Variants in DKK3 observed in about 807,000 individuals in gnomAD.
DKK3 encodes dickkopf Wnt signaling pathway inhibitor 3.
A neutral mutation model predicts 33.2 loss-of-function variants in DKK3; 22 were observed. The ratio of observed to expected loss-of-function variants is 0.66; its 90% CI spans 0.47 to 0.95. The LOEUF (loss-of-function observed/expected upper bound fraction) is 0.95, where lower values mean the gene tolerates loss of function less well. Ranked by LOEUF, DKK3 falls within the 40% of genes least tolerant of loss-of-function variation. The probability of loss-of-function intolerance (pLI) is 0.00; values close to 1 mark genes in which losing one functional copy is unlikely to be tolerated. For missense variants in DKK3, 398 were observed against 458.4 expected (o/e 0.87, Z 1.20); for synonymous variants, 194 against 188.8 (o/e 1.03, Z -0.23).
At position 11,966,946 on chromosome 11, in the gene DKK3, C is replaced by A; in HGVS notation, c.673+8G>T. 6.2e-7 allele frequency: 1 copy of A among 1,613,038 alleles called. No individual in the cohort carries two copies. The highest frequency in any genetic ancestry group is 2.2e-5 in the East Asian group (1 of 44,882). ...GGTTTTTCCTGCATCTGAGGGGAGG[C>A]CACTCACCTCTCTGGAAGGCACAGC... is the stretch of plus-strand genomic sequence containing the variant. On this transcript the variant is annotated splice_region_variant and intron_variant, in intron 5 of 6. Transcript: ENST00000683431.
At chr11:11,991,592 CCT>C (rs375438128) in intron 3 of DKK3, among the ~76,000 whole-genome samples, 17 of 150,520 alleles carry the variant, frequency 1.1e-4, no homozygotes, top group Non-Finnish European at 1.2e-4. Flanking sequence ...TGGCACCTCT[CCT>C]CTCTCTCTCT....
upstream of DKK3, chr11:12,009,680 GA>G (rs755437831): frequency 1.3e-3 from 1,245 of 985,620 alleles, 1 homozygote; most frequent in Middle Eastern, 2.6e-3. Flanking sequence ...AAATCCTCAG[GA>G]AAAATCCCAG....
chr11:11,987,788 G>A (rs1226443660), intron 3 of DKK3, among the ~76,000 whole-genome samples: 1 of 152,164 alleles, frequency 6.6e-6, no homozygotes, highest in Non-Finnish European at 1.5e-5. Context: ...GTTTGGTCTA[G>A]CACCTTAGCC....
intron 3 of DKK3, among the ~76,000 whole-genome samples, chr11:11,987,678 C>T (rs140032830): frequency 1.3e-5 from 2 of 152,284 alleles, no homozygotes; most frequent in Non-Finnish European, 2.9e-5. Flanking sequence ...TTCAGGGGAC[C>T]CTGTGAATTC....
Position 11,963,884 on chromosome 11 carries a change from A to G in DKK3, c.*580T>C, listed in dbSNP as rs1187614337. 1 of 153,120 alleles carries G rather than the reference A, an allele frequency of 6.5e-6. No individual in the cohort carries two copies. Among genetic ancestry groups the G allele is most frequent in the Non-Finnish European group, 1.5e-5 (1 of 68,432 alleles). The allele number at this position is 153,120 out of a possible 1,614,324, so 9.5% of individuals were successfully genotyped here. ...TGCTGAGAGAGGGAATTGATCTTGG[A>G]TATGAAAATGCTGCCCTGGCACAGA... On this transcript the variant is annotated 3_prime_UTR_variant, in exon 7 of 7. Coordinates refer to ENST00000683431, the MANE Select transcript of DKK3 (RefSeq NM_001018057.2).
Position 12,008,321 on chromosome 11 carries a change from C to A in DKK3, c.213+49G>T, listed in dbSNP as rs770739009. 1 of 1,560,200 alleles carries A rather than the reference C, an allele frequency of 6.4e-7. No homozygotes were observed. Among genetic ancestry groups the A allele is most frequent in the South Asian group, 1.2e-5 (1 of 85,146 alleles). On this transcript the variant is annotated intron_variant, in intron 1 of 6. Transcript: ENST00000683431. This position sits in a 1 kb window ranked among gnomAD's most constrained non-coding sequence, Gnocchi z 4.6. ...TTCCATGCCTTCCCAGACTTCGCTG[C>A]CCCCAGTCTGGCGCTTCTCAGAGCC...
At chr11:11,971,823 T>C (rs1440033315) in intron 3 of DKK3, among the ~76,000 whole-genome samples, 1 of 152,192 alleles carries the variant, frequency 6.6e-6, no homozygotes, top group East Asian at 1.9e-4. Flanking sequence ...ATTGTTTTTC[T>C]AGGTACGGAA....
rs1280059712 is a variant in DKK3 at position 12,008,473 on chromosome 11, G to C, written c.110C>G (p.Ala37Gly). The part of the protein sequence containing the change: ...ATSAPVKPGP[A>G]LSYPQEEATL... ...GGCCTCCTCCTGCGGGTAGCTGAGA[G>C]CCGGGCCGGGCTTGACTGGAGCCGA... is the stretch of plus-strand genomic sequence containing the variant. The change falls in exon 1 of 7, where the codon GCT (alanine) becomes GGT (glycine). Residue 37 changes from alanine (A) to glycine (G), a missense_variant. Physicochemically the swap from Ala to Gly is moderately conservative, Grantham distance 60 (BLOSUM62 0). Coordinates refer to ENST00000683431, the MANE Select transcript of DKK3 (RefSeq NM_001018057.2). This position sits in a 1 kb window ranked among gnomAD's most constrained non-coding sequence, Gnocchi z 4.6. 1 of 1,607,290 alleles carries C rather than the reference G, an allele frequency of 6.2e-7. No homozygotes were observed. The highest frequency in any genetic ancestry group is 2.2e-5 in the East Asian group (1 of 44,812).
At position 11,967,668 on chromosome 11, in the gene DKK3, T is replaced by C. The variant is rs142134474; in HGVS notation, c.529-570A>G. ...TAAGGTAATAAGAACTGCTTGACTT[T>C]CCAAGCTTATTAGCATGCTGTGTTA... On this transcript the variant is annotated intron_variant, in intron 4 of 6. Transcript: ENST00000683431. 4.7e-3 allele frequency among the ~76,000 whole-genome samples: 718 copies of C among 152,354 alleles called. 11 individuals carry two copies. The highest frequency in any genetic ancestry group is 0.017 in the African/African-American group (689 of 41,586).
At chr11:11,966,759 AG>A in intron 5 of DKK3, among the ~76,000 whole-genome samples, 194 bp downstream of exon 5, 2 of 151,898 alleles carry the variant, frequency 1.3e-5, no homozygotes, top group Middle Eastern at 3.4e-3. Context: ...GAGCATCAAC[AG>A]GGGAAAAAAA....
At chr11:11,995,951 T>G (rs943656269) in intron 3 of DKK3, among the ~76,000 whole-genome samples, 1 of 152,232 alleles carries the variant, frequency 6.6e-6, no homozygotes, top group African/African-American at 2.4e-5. Context: ...ATAGTGTTAC[T>G]CTCTGTAACT....
intron 1 of DKK3, among the ~76,000 whole-genome samples, 175 bp from the exon 2 acceptor site, chr11:12,002,612 T>C (rs907013954): frequency 5.9e-5 from 9 of 152,210 alleles, no homozygotes; most frequent in African/African-American, 2.2e-4. Context: ...GTTTTACATA[T>C]ATTACAGCAC....
chr11:11,966,024 G>A, intron 5 of DKK3, 59 bp from the exon 6 acceptor site: 3 of 1,532,568 alleles, frequency 2.0e-6, no homozygotes, highest in Non-Finnish European at 2.6e-6. Flanking sequence ...GGCTCCAAAG[G>A]GAGGGGCAAA....
In DKK3 at chr11:11,964,244, T is replaced by C; in HGVS notation, c.*220A>G. On this transcript the variant is annotated 3_prime_UTR_variant, in exon 7 of 7. Coordinates refer to ENST00000683431, the MANE Select transcript of DKK3 (RefSeq NM_001018057.2). ...CAGGGGTGGCAAACTGCTCCTGCAG[T>C]TTAACCCTGCCTGACTCTCCCAAGC... 1.6e-6 allele frequency: 1 copy of C among 616,054 alleles called. No homozygotes were observed. Among genetic ancestry groups the C allele is most frequent in the Non-Finnish European group, 2.8e-6 (1 of 358,562 alleles). The allele number at this position is 616,054 out of a possible 1,614,324, so 38.2% of individuals were successfully genotyped here. A position where few individuals can be genotyped will look rare whatever the true frequency, so the allele number is the denominator to read the frequency against.
chr11:11,976,047 G>T (rs934046605), intron 3 of DKK3, among the ~76,000 whole-genome samples: 33 of 152,198 alleles, frequency 2.2e-4, no homozygotes, highest in African/African-American at 7.7e-4. Flanking sequence ...TCTACCCCTA[G>T]CGTGGATCTC....
chr11:12,002,601 C>T lies in DKK3; in HGVS notation c.214-164G>A, dbSNP rs187544370. 3.5e-4 allele frequency among the ~76,000 whole-genome samples: 54 copies of T among 152,142 alleles called. No individual in the cohort carries two copies. The East Asian group carries it at 7.5e-3, about 21-fold the overall frequency. On this transcript the variant is annotated intron_variant, in intron 1 of 6. Transcript: ENST00000683431. ...CACTATGATAAGATATTATACTAAA[C>T]GTTTTACATATATTACAGCACTGAA...
chr11:11,998,909 C>G, intron 2 of DKK3, 130 bp from the exon 3 acceptor site: 1 of 745,546 alleles, frequency 1.3e-6, no homozygotes, highest in East Asian at 2.7e-5. Flanking sequence ...ATGCCCACCC[C>G]GCTTTCTTTC....
intron 3 of DKK3, among the ~76,000 whole-genome samples, chr11:11,970,894 C>T (rs895258207): frequency 2.0e-5 from 3 of 152,314 alleles, no homozygotes; most frequent in Non-Finnish European, 4.4e-5. Flanking sequence ...AACTGGAAAA[C>T]AGTAAATTTG....
intron 3 of DKK3, among the ~76,000 whole-genome samples, chr11:11,982,697 G>A (rs913060734): frequency 5.3e-5 from 8 of 152,264 alleles, no homozygotes; most frequent in Middle Eastern, 3.4e-3. Context: ...AGCACAGCCA[G>A]TCCTCGGGCC....
Sources: allele counts gnomAD v4.1 joint callset (sites outside exome capture counted in the v4.1 genomes callset), GRCh38; gene constraint gnomAD v4.1.1; non-coding constraint Gnocchi (gnomAD v3.1); transcripts MANE v1.5; gene names NCBI Gene and HGNC (gene_info 2026-07-23, HGNC 2026-07-21).